Variants in ANK2 observed in about 807,000 individuals in gnomAD.
ANK2 encodes ankyrin-2.
In ANK2, 83 loss-of-function variants were observed where a neutral mutation model predicts 360.5. That is an observed-to-expected ratio of 0.23 (90% CI 0.19 to 0.28). The LOEUF (loss-of-function observed/expected upper bound fraction) is 0.28. ANK2 is among the 10% of genes least tolerant of loss of function. ANK2 has a pLI of 1.00. For synonymous variants in ANK2, 1,740 were observed against 1,759.5 expected (o/e 0.99, Z 0.28); for missense variants, 4,201 against 4,795.7 (o/e 0.88, Z 3.66).
At chr4:113,260,077 G>A (rs1451116163) in intron 13 of ANK2, among the ~76,000 whole-genome samples, 1 of 151,986 alleles carries the variant, frequency 6.6e-6, no homozygotes, top group African/African-American at 2.4e-5. Flanking sequence ...TATTCTGTGG[G>A]TTGCTTGATT....
chr4:112,817,768 C>T (rs1032714344), upstream of ANK2, among the ~76,000 whole-genome samples: 4 of 152,112 alleles, frequency 2.6e-5, no homozygotes, highest in Non-Finnish European at 5.9e-5. Flanking sequence ...GGCATCTTGG[C>T]AGTAGCTTAT....
intron 2 of ANK2, among the ~76,000 whole-genome samples, chr4:112,958,331 T>C (rs1167656628): frequency 6.6e-6 from 1 of 152,162 alleles, no homozygotes; most frequent in African/African-American, 2.4e-5. Context: ...CCAGACTCCA[T>C]CTGCAATCCC....
intron 26 of ANK2, among the ~76,000 whole-genome samples, chr4:113,322,414 G>A (rs1262529631): frequency 6.6e-6 from 1 of 152,110 alleles, no homozygotes; most frequent in African/African-American, 2.4e-5. Context: ...GTTATTTCTA[G>A]CATCCTAGTC....
chr4:112,838,469 C>T (rs1260905845), intron 1 of ANK2, among the ~76,000 whole-genome samples: 1 of 152,254 alleles, frequency 6.6e-6, no homozygotes, highest in Non-Finnish European at 1.5e-5. Flanking sequence ...GCAAACAGCA[C>T]TTCATTTAAC....
chr4:112,935,555 G>T lies in ANK2; in HGVS notation c.21+31041G>T, dbSNP rs187296912. ...ATGACAAATCCCCTTTGAGAGTCTT[G>T]CACAGTTAATACTGTGAAGAATATA... On this transcript the variant is annotated intron_variant, in intron 2 of 30. Transcript: ENST00000503271. 3.3e-3 allele frequency among the ~76,000 whole-genome samples: 506 copies of T among 152,224 alleles called. 3 individuals carry two copies. The highest frequency in any genetic ancestry group is 0.012 in the African/African-American group (483 of 41,522).
intron 5 of ANK2, among the ~76,000 whole-genome samples, chr4:113,233,197 G>T (rs1319709034): frequency 3.1e-5 from 4 of 129,330 alleles, no homozygotes; most frequent in Non-Finnish European, 6.3e-5. Context: ...TGCAGTGGCG[G>T]GATCTCGGCT....
the ANK2 span, among the ~76,000 whole-genome samples, chr4:112,810,159 A>ATAT: frequency 5.6e-5 from 2 of 35,792 alleles, no homozygotes; most frequent in Non-Finnish European, 9.6e-5. Context: ...ATATATATAT[A>ATAT]TTTTTTTTTT....
chr4:113,287,231 G>A (rs976214833), intron 18 of ANK2, among the ~76,000 whole-genome samples: 12 of 152,304 alleles, frequency 7.9e-5, no homozygotes, highest in Admixed American at 6.5e-4. Flanking sequence ...TAAAATAGGT[G>A]TAATAGTTGG....
intron 4 of ANK2, among the ~76,000 whole-genome samples, chr4:113,229,717 A>G (rs1196670649): frequency 6.6e-5 from 10 of 152,050 alleles, no homozygotes; most frequent in Non-Finnish European, 1.2e-4. Flanking sequence ...CTTGGCTCTC[A>G]GAATTCTTTG....
chr4:113,046,979 C>G (rs1015141695), upstream of ANK2, among the ~76,000 whole-genome samples: 1 of 152,296 alleles, frequency 6.6e-6, no homozygotes. Context: ...ACTAATTGGG[C>G]TACCAAACAC....
chr4:112,718,658 AC>A, the ANK2 span, among the ~76,000 whole-genome samples: 9 of 149,468 alleles, frequency 6.0e-5, no homozygotes, highest in Admixed American at 6.0e-4. Flanking sequence ...TATTTTTGAG[AC>A]GGAGTTTCAC....
chr4:112,918,520 T>A (rs1353876838), intron 2 of ANK2, among the ~76,000 whole-genome samples: 2 of 152,102 alleles, frequency 1.3e-5, no homozygotes, highest in African/African-American at 4.8e-5. Flanking sequence ...CGGACACTAG[T>A]TTTCTTTGAT....
chr4:113,257,357 T>C (rs983237290), intron 11 of ANK2, among the ~76,000 whole-genome samples: 2 of 152,344 alleles, frequency 1.3e-5, no homozygotes, highest in South Asian at 4.1e-4. Flanking sequence ...CACATTTCTT[T>C]ACCCCAGAGC....
At position 112,970,206 on chromosome 4, in the gene ANK2, G is replaced by A. The variant is rs550034186; in HGVS notation, c.21+65692G>A. The stretch of plus-strand genomic sequence containing the variant: ...TCACCATGTTGGCCAGGCTGATCTC[G>A]AACTCTGCCTGCCTCGGCCTCCCAA... On this transcript the variant is annotated intron_variant, in intron 2 of 30. Coordinates refer to the ANK2 transcript ENST00000503271. Among the ~76,000 whole-genome samples the A allele has an allele frequency of 5.9e-5, 9 of 152,040 alleles. No homozygotes were observed. The East Asian group carries it at 7.7e-4, about 13-fold the overall frequency.
the ANK2 span, among the ~76,000 whole-genome samples, chr4:112,753,229 A>G: frequency 2.0e-5 from 3 of 152,240 alleles, no homozygotes; most frequent in African/African-American, 7.2e-5. Context: ...TGTGCAGGCA[A>G]GTGGTAGAAA....
At chr4:113,057,453 A>G (rs866972308) in intron 1 of ANK2, among the ~76,000 whole-genome samples, 1 of 152,150 alleles carries the variant, frequency 6.6e-6, no homozygotes, top group Admixed American at 6.6e-5. Flanking sequence ...AGATTAGGAA[A>G]CTGTTGAGTG....
chr4:112,904,211 C>G lies in ANK2; in HGVS notation c.-39-244C>G, dbSNP rs931826533. Among the ~76,000 whole-genome samples, 5 of 152,232 alleles carry G rather than the reference C, an allele frequency of 3.3e-5. No homozygotes were observed. The South Asian group carries it at 1.0e-3, about 32-fold the overall frequency. Reference sequence around the variant, plus strand: ...CTCATATTTTTAAAAATCTATTTCTCTTACAGATTAATAGGCTATTTTTCA... The same window carrying G: ...CTCATATTTTTAAAAATCTATTTCTGTTACAGATTAATAGGCTATTTTTCA... On this transcript the variant is annotated intron_variant, in intron 1 of 30. Coordinates refer to the ANK2 transcript ENST00000503271.
chr4:113,052,916 T>TTG (rs1407987626), intron 1 of ANK2, among the ~76,000 whole-genome samples: 2 of 152,144 alleles, frequency 1.3e-5, no homozygotes, highest in African/African-American at 2.4e-5. Flanking sequence ...AATTCTACGA[T>TTG]TGTGTATCCC....
At chr4:113,373,891 T>A (rs1175787164) in intron 45 of ANK2, among the ~76,000 whole-genome samples, 1 of 152,194 alleles carries the variant, frequency 6.6e-6, no homozygotes, top group Non-Finnish European at 1.5e-5. Context: ...CATTGCAGAG[T>A]TACTAAAATC....
Sources: allele counts gnomAD v4.1 joint callset (sites outside exome capture counted in the v4.1 genomes callset), GRCh38; gene constraint gnomAD v4.1.1; transcripts MANE v1.5; gene names NCBI Gene and HGNC (gene_info 2026-07-23, HGNC 2026-07-21).